GTF2F2: variants seen among roughly 807,000 people sequenced by gnomAD.
GTF2F2 encodes general transcription factor IIF subunit 2, also known as ATP-dependent helicase GTF2F2.
GTF2F2 carries 23 observed loss-of-function variants against 42.2 expected under a neutral mutation model. The ratio of observed to expected loss-of-function variants is 0.55; its 90% confidence interval spans 0.39 to 0.77. The LOEUF is 0.77. Ranked by LOEUF, GTF2F2 falls within the 30% of genes least tolerant of loss-of-function variation. The probability of loss-of-function intolerance (pLI) is 0.00; values close to 1 mark genes in which losing one functional copy is unlikely to be tolerated. For synonymous variants in GTF2F2, 105 were observed against 100.8 expected, an observed-to-expected ratio of 1.04 and a Z score of -0.25; for missense variants, 261 against 287.2, an observed-to-expected ratio of 0.91 and a Z score of 0.66.
At chr13:45,199,451 A>AT (rs1873066591) in intron 4 of GTF2F2, among the ~76,000 whole-genome samples, 1 of 152,190 alleles carries the variant, frequency 6.6e-6, no homozygotes, top group African/African-American at 2.4e-5. Flanking sequence ...GAAAATGAGT[A>AT]TTTCAGGGAA....
chr13:45,127,453 G>A (rs1281318202), intron 1 of GTF2F2, among the ~76,000 whole-genome samples: 1 of 151,416 alleles, frequency 6.6e-6, no homozygotes, highest in Non-Finnish European at 1.5e-5. Flanking sequence ...AGCCTCCTGA[G>A]TAGCTGGGAC....
chr13:45,196,309 T>G (rs1051231832), intron 4 of GTF2F2, among the ~76,000 whole-genome samples: 1 of 152,208 alleles, frequency 6.6e-6, no homozygotes, highest in Non-Finnish European at 1.5e-5. Context: ...TATCTAGGAC[T>G]TCACAGCAAA....
In GTF2F2 at chr13:45,205,547, G is replaced by A. The variant is rs954070126; in HGVS notation, c.305-1877G>A. Among the ~76,000 whole-genome samples, 15 of 152,314 alleles carry A rather than the reference G, an allele frequency of 9.8e-5. No homozygotes were observed. In the East Asian group the frequency reaches 2.1e-3, roughly 22 times the overall value. ...TATTTATTTAGTTTTTTGAGACGGAGTCTTGCTCTGTTGCCAGGCTGGAGT... is the reference window on the plus strand; with the variant it reads ...TATTTATTTAGTTTTTTGAGACGGAATCTTGCTCTGTTGCCAGGCTGGAGT... On this transcript the variant is annotated intron_variant, in intron 4 of 7. Coordinates refer to ENST00000340473, the MANE Select transcript of GTF2F2 (RefSeq NM_004128.3).
intron 6 of GTF2F2, among the ~76,000 whole-genome samples, chr13:45,258,246 A>G (rs969725694): frequency 6.6e-6 from 1 of 152,064 alleles, no homozygotes; most frequent in African/African-American, 2.4e-5. Flanking sequence ...TTCCAAGCAG[A>G]AAAGAATGTA....
intron 4 of GTF2F2, among the ~76,000 whole-genome samples, chr13:45,191,224 A>AAAAAAAATGTAT: frequency 1.3e-5 from 1 of 75,346 alleles, no homozygotes; most frequent in African/African-American, 1.0e-4. Flanking sequence ...ACAAAAAAAA[A>AAAAAAAATGTAT]ATATATATAT....
At chr13:45,230,132 T>C (rs1176586927) in intron 5 of GTF2F2, among the ~76,000 whole-genome samples, 2 of 151,896 alleles carry the variant, frequency 1.3e-5, no homozygotes, top group Non-Finnish European at 2.9e-5. Flanking sequence ...AGGAGAATCG[T>C]TTAAACCCAT....
At chr13:45,235,238 A>T in intron 5 of GTF2F2, among the ~76,000 whole-genome samples, 1 of 152,050 alleles carries the variant, frequency 6.6e-6, no homozygotes, top group Non-Finnish European at 1.5e-5. Flanking sequence ...TATTACCGGT[A>T]ATTTCCAGCA....
At chr13:45,270,858 A>C (rs1876758472) in intron 7 of GTF2F2, among the ~76,000 whole-genome samples, 1 of 152,198 alleles carries the variant, frequency 6.6e-6, no homozygotes, top group Non-Finnish European at 1.5e-5. Context: ...TAAACCATTA[A>C]AAACTTTATC....
At chr13:45,257,899 G>C (rs1284027134) in intron 6 of GTF2F2, among the ~76,000 whole-genome samples, 1 of 152,050 alleles carries the variant, frequency 6.6e-6, no homozygotes, top group African/African-American at 2.4e-5. Context: ...TTTAGCATTG[G>C]TGCTCAATTC....
At chr13:45,240,451 T>C (rs1391713922) in intron 5 of GTF2F2, among the ~76,000 whole-genome samples, 2 of 152,182 alleles carry the variant, frequency 1.3e-5, no homozygotes, top group Non-Finnish European at 2.9e-5. Context: ...AAGGGTTTTC[T>C]GTTGGTTTGG....
chr13:45,189,585 G>T (rs1392658986), intron 4 of GTF2F2, among the ~76,000 whole-genome samples: 1 of 152,146 alleles, frequency 6.6e-6, no homozygotes, highest in Non-Finnish European at 1.5e-5. Flanking sequence ...ACTTTTTAAT[G>T]ATTGCCATTC....
chr13:45,156,329 T>G (rs894680173), intron 4 of GTF2F2, among the ~76,000 whole-genome samples: 3 of 152,212 alleles, frequency 2.0e-5, no homozygotes, highest in Admixed American at 6.5e-5. Flanking sequence ...GGAGATAATA[T>G]TTGAGCTGGA....
At chr13:45,247,517 C>CA (rs1334116540) in intron 5 of GTF2F2, among the ~76,000 whole-genome samples, 1 of 150,410 alleles carries the variant, frequency 6.6e-6, no homozygotes, top group Non-Finnish European at 1.5e-5. Flanking sequence ...CTCAGCCTCC[C>CA]AAGTAGCTGG....
chr13:45,167,968 C>T (rs530949730), intron 4 of GTF2F2, among the ~76,000 whole-genome samples: 2 of 152,324 alleles, frequency 1.3e-5, no homozygotes, highest in East Asian at 3.9e-4. Flanking sequence ...TTGTTTACAG[C>T]TTCAGTTTCT....
At chr13:45,231,060 T>G (rs998620610) in intron 5 of GTF2F2, among the ~76,000 whole-genome samples, 17 of 151,740 alleles carry the variant, frequency 1.1e-4, no homozygotes, top group Non-Finnish European at 2.4e-4. Flanking sequence ...CAGCTTTTAT[T>G]TTTTAATTTT....
chr13:45,225,718 ACTT>A (rs757561457), intron 5 of GTF2F2, among the ~76,000 whole-genome samples: 6 of 152,142 alleles, frequency 3.9e-5, no homozygotes, highest in Non-Finnish European at 7.3e-5. Flanking sequence ...CCACCCAAGT[ACTT>A]CTTTAAAAAT....
chr13:45,240,769 A>T (rs1019494941), intron 5 of GTF2F2, among the ~76,000 whole-genome samples: 1 of 152,120 alleles, frequency 6.6e-6, no homozygotes, highest in Non-Finnish European at 1.5e-5. Context: ...CGGAGGTTGC[A>T]GTGAGCTGAG....
intron 7 of GTF2F2, among the ~76,000 whole-genome samples, chr13:45,275,891 A>G (rs1439445854): frequency 2.6e-5 from 4 of 152,330 alleles, no homozygotes; most frequent in African/African-American, 7.2e-5. Flanking sequence ...GTCTTCCACA[A>G]TGGTTGAACT....
At chr13:45,282,644 A>G (rs1013738502) in intron 7 of GTF2F2, among the ~76,000 whole-genome samples, 1 of 152,160 alleles carries the variant, frequency 6.6e-6, no homozygotes, top group Admixed American at 6.5e-5. Context: ...AGCTGGGATT[A>G]CAGGTTCCCA....
Sources: allele counts gnomAD v4.1 joint callset (sites outside exome capture counted in the v4.1 genomes callset), GRCh38; gene constraint gnomAD v4.1.1; transcripts MANE v1.5; gene names NCBI Gene and HGNC (gene_info 2026-07-23, HGNC 2026-07-21).